Variants in PPP1R9A observed in about 807,000 individuals in gnomAD.
PPP1R9A encodes the protein protein phosphatase 1 regulatory subunit 9A.
PPP1R9A carries 59 observed loss-of-function variants against 141.9 expected under a neutral mutation model. The observed-to-expected ratio is 0.42, with a 90% CI of 0.34 to 0.52. The LOEUF (loss-of-function observed/expected upper bound fraction) is 0.52. Ranked by LOEUF, PPP1R9A falls within the 20% of genes least tolerant of loss-of-function variation. The pLI is 0.10. For synonymous variants in PPP1R9A, 500 were observed against 569.7 expected (o/e 0.88, Z 1.74); for missense variants, 1,444 against 1,611.9 (o/e 0.90, Z 1.78).
intron 4 of PPP1R9A, among the ~76,000 whole-genome samples, chr7:95,161,011 T>G (rs2152709122): frequency 6.6e-6 from 1 of 152,250 alleles, no homozygotes. Context: ...GGTAGAAAGG[T>G]TTGTTTTCTT....
At chr7:95,081,269 C>G (rs1815785171) in intron 2 of PPP1R9A, among the ~76,000 whole-genome samples, 1 of 152,072 alleles carries the variant, frequency 6.6e-6, no homozygotes, top group South Asian at 2.1e-4. Context: ...GAGGCAGGGA[C>G]TTTAAAAAGA....
chr7:95,231,071 T>C (rs539006787), intron 8 of PPP1R9A, among the ~76,000 whole-genome samples: 1 of 152,108 alleles, frequency 6.6e-6, no homozygotes, highest in South Asian at 2.1e-4. Flanking sequence ...AAAGATACCG[T>C]ATGCAAATGG....
In PPP1R9A at chr7:95,296,328, T is replaced by A. The variant is rs1807095649; in HGVS notation, c.*6025T>A. The A allele has an allele frequency of 1.3e-5, 2 of 152,652 alleles. No individual in the cohort carries two copies. The highest frequency in any genetic ancestry group is 2.9e-5 in the Non-Finnish European group (2 of 68,030). The allele number at this position is 152,652 out of a possible 1,614,324, so 9.5% of individuals were successfully genotyped here. On this transcript the variant is annotated 3_prime_UTR_variant, in exon 20 of 20. Transcript: ENST00000433360. The stretch of plus-strand genomic sequence containing the variant: ...AATACCTGTGATTAAATTTAATTTG[T>A]TAGTGTAAATAAATTTCTTGCCAAT...
At chr7:94,908,940 G>A (rs1584151043) in intron 1 of PPP1R9A, among the ~76,000 whole-genome samples, 1 of 152,036 alleles carries the variant, frequency 6.6e-6, no homozygotes, top group Non-Finnish European at 1.5e-5. Context: ...GATGTGGCTC[G>A]GTCTAATATC....
Position 95,292,442 on chromosome 7 carries a change from CTTAAG to C in PPP1R9A, c.*2143_*2147del, listed in dbSNP as rs1432106298. The C allele has an allele frequency of 2.6e-5, 4 of 152,492 alleles. No homozygotes were observed. The highest frequency in any genetic ancestry group is 4.4e-5 in the Non-Finnish European group (3 of 68,030). 9.4% of individuals were successfully genotyped at this position (152,492 alleles called of 1,614,324 possible). The stretch of plus-strand genomic sequence containing the variant: ...AGAGTAGAAATAGAAGGATGATTAT[CTTAAG>C]TTATGTTTACACTTTGGTAATATTT... On this transcript the variant is annotated 3_prime_UTR_variant, in exon 20 of 20. Coordinates refer to ENST00000433360, the MANE Select transcript of PPP1R9A (RefSeq NM_001166160.2).
At chr7:95,175,125 G>A (rs1432565955) in intron 5 of PPP1R9A, 1 of 152,098 alleles carries the variant, frequency 6.6e-6, no homozygotes, top group East Asian at 1.9e-4. Flanking sequence ...TATTTTATTT[G>A]ATAAAAGTGA....
chr7:94,976,377 T>G lies in PPP1R9A; in HGVS notation c.1395+64869T>G, dbSNP rs1397603469. On this transcript the variant is annotated intron_variant, in intron 2 of 19. Coordinates refer to ENST00000433360, the MANE Select transcript of PPP1R9A (RefSeq NM_001166160.2). ...TTTTTTTTGAGATGAAGTCTCGCTC[T>G]GTCACCCAGGCTGGAGTGCAGTGGT... Among the ~76,000 whole-genome samples the G allele has an allele frequency of 3.3e-5, 5 of 149,552 alleles. 1 individual carries two copies. The highest frequency in any genetic ancestry group is 1.2e-4 in the African/African-American group (5 of 40,576).
intron 3 of PPP1R9A, 120 bp downstream of exon 3, chr7:95,111,511 CTTAT>C (rs1820560749): frequency 9.7e-7 from 1 of 1,029,388 alleles, no homozygotes; most frequent in Non-Finnish European, 1.4e-6. Context: ...AACAGAGGAT[CTTAT>C]TTATTAAGTT....
In PPP1R9A at chr7:95,294,101, C is replaced by T. The variant is rs1181754261; in HGVS notation, c.*3798C>T. 1 of 152,094 alleles carries T rather than the reference C, an allele frequency of 6.6e-6. No individual in the cohort carries two copies. Among genetic ancestry groups the T allele is most frequent in the Non-Finnish European group, 1.5e-5 (1 of 68,028 alleles). The allele number at this position is 152,094 out of a possible 1,614,324, so 9.4% of individuals were successfully genotyped here. On this transcript the variant is annotated 3_prime_UTR_variant, in exon 20 of 20. Transcript: ENST00000433360. Reference sequence around the variant, plus strand: ...TGGTCACTAGGGTTCACGTCACCTACTTAATGCAAAGACCTTAGTGGTCTC... The same window carrying T: ...TGGTCACTAGGGTTCACGTCACCTATTTAATGCAAAGACCTTAGTGGTCTC...
chr7:95,119,480 G>A (rs568587763), intron 3 of PPP1R9A, among the ~76,000 whole-genome samples: 6 of 152,028 alleles, frequency 3.9e-5, no homozygotes, highest in South Asian at 4.1e-4. Context: ...TTTTAGACAG[G>A]GTCTCGCAGT....
chr7:95,069,874 C>A (rs980768971), intron 2 of PPP1R9A, among the ~76,000 whole-genome samples: 2 of 152,108 alleles, frequency 1.3e-5, no homozygotes, highest in East Asian at 3.9e-4. Context: ...TGTTACTTAG[C>A]TTACTGTATG....
chr7:95,288,498 T>C, intron 18 of PPP1R9A, 38 bp from the exon 19 acceptor site: 1 of 1,602,526 alleles, frequency 6.2e-7, no homozygotes, highest in Non-Finnish European at 8.5e-7. Context: ...CATAGTATCT[T>C]GGTCCTTTAA....
chr7:95,095,155 C>A (rs1057013517), intron 2 of PPP1R9A, among the ~76,000 whole-genome samples: 2 of 152,056 alleles, frequency 1.3e-5, no homozygotes, highest in East Asian at 3.9e-4. Flanking sequence ...AATCAGGAAC[C>A]CAGGTAGGAG....
At chr7:95,283,433 T>C (rs1804659899) in intron 16 of PPP1R9A, among the ~76,000 whole-genome samples, 1 of 152,198 alleles carries the variant, frequency 6.6e-6, no homozygotes, top group Admixed American at 6.5e-5. Flanking sequence ...TGGTAAACCC[T>C]GGCCCTCCAA....
chr7:94,935,983 A>G (rs1452311872), intron 2 of PPP1R9A, among the ~76,000 whole-genome samples: 3 of 152,216 alleles, frequency 2.0e-5, no homozygotes, highest in African/African-American at 7.2e-5. Context: ...AATTGATAGT[A>G]GTAAAGTAAA....
chr7:95,266,138 G>A (rs1334415847), intron 12 of PPP1R9A, among the ~76,000 whole-genome samples: 1 of 151,984 alleles, frequency 6.6e-6, no homozygotes, highest in Non-Finnish European at 1.5e-5. Flanking sequence ...TGTAGTCCTG[G>A]ATATTGGGTT....
At chr7:95,198,291 T>C in intron 5 of PPP1R9A, 58 bp from the exon 6 acceptor site, 2 of 1,497,960 alleles carry the variant, frequency 1.3e-6, no homozygotes, top group Admixed American at 4.6e-5. Context: ...TTTACTTTTC[T>C]TAAAACTCCT....
intron 5 of PPP1R9A, among the ~76,000 whole-genome samples, chr7:95,169,042 T>C (rs1392725566): frequency 1.3e-5 from 2 of 151,950 alleles, no homozygotes; most frequent in East Asian, 3.9e-4. Context: ...AAGTGTTTAT[T>C]TAAAGAAAAG....
intron 2 of PPP1R9A, among the ~76,000 whole-genome samples, chr7:95,082,795 G>A (rs1232316476): frequency 5.0e-5 from 7 of 140,664 alleles, no homozygotes; most frequent in African/African-American, 1.9e-4. Flanking sequence ...TTTTTGAGAC[G>A]GAGTCTTGCT....
Sources: gnomAD v4.1 joint callset for allele counts (sites outside exome capture counted in the v4.1 genomes callset) on GRCh38, gnomAD v4.1.1 for gene constraint, MANE v1.5 for transcripts, NCBI Gene and HGNC (gene_info 2026-07-23, HGNC 2026-07-21) for gene names.